The following PLXNA2 variants were observed in gnomAD, a reference collection of about 807,000 sequenced individuals.
The protein encoded by PLXNA2 is plexin-A2.
A neutral mutation model predicts 193.5 loss-of-function variants in PLXNA2; 91 were observed. The ratio of observed to expected loss-of-function variants is 0.47; its 90% CI spans 0.40 to 0.56. The LOEUF is 0.56. Among genes scored for constraint, PLXNA2 ranks in the 20% least tolerant of loss-of-function variants. The probability of loss-of-function intolerance (pLI) is 0.00; values close to 1 mark genes in which losing one functional copy is unlikely to be tolerated. For missense variants in PLXNA2, 1,995 were observed against 2,503.2 expected (o/e 0.80, Z 4.33); for synonymous variants, 997 against 1,027.3 (o/e 0.97, Z 0.56).
Position 208,044,793 on chromosome 1 carries a change from C to G in PLXNA2, c.3640-51G>C. On this transcript the variant is annotated intron_variant, in intron 19 of 31. Transcript: ENST00000367033. The surrounding 1 kb of genome is among the most constrained non-coding windows in gnomAD (Gnocchi z 4.9). ...ACATGGATGCACACAGGTGTAGAGC[C>G]CGGGCATGCCAGCAGATCCTTACAG... is the stretch of plus-strand genomic sequence containing the variant. 1.4e-6 allele frequency: 2 copies of G among 1,396,132 alleles called. No homozygotes were observed. The highest frequency in any genetic ancestry group is 2.0e-6 in the Non-Finnish European group (2 of 1,000,450). 86.5% of individuals were successfully genotyped at this position (1,396,132 alleles called of 1,614,324 possible).
intron 4 of PLXNA2, among the ~76,000 whole-genome samples, chr1:208,112,423 T>G (rs911920711): frequency 6.6e-6 from 1 of 152,254 alleles, no homozygotes. Context: ...GAGCTTTAGT[T>G]TCCTTCTCTG....
intron 3 of PLXNA2, among the ~76,000 whole-genome samples, chr1:208,162,022 C>T (rs2102515675): frequency 6.6e-6 from 1 of 152,272 alleles, no homozygotes; most frequent in South Asian, 2.1e-4. Context: ...TCAACTTGAT[C>T]TCTCCCCTTC....
chr1:208,124,826 TAGGGAGAGGAAATTGTCCAC>T (rs1436863260), intron 4 of PLXNA2, among the ~76,000 whole-genome samples: 4 of 151,908 alleles, frequency 2.6e-5, no homozygotes, highest in African/African-American at 9.7e-5. Context: ...GCTTGAATTA[TAGGGAGAGGAAATTGTCCAC>T]AGCTAGGCCA....
intron 13 of PLXNA2, among the ~76,000 whole-genome samples, chr1:208,059,634 C>T (rs1413433142): frequency 6.6e-6 from 1 of 152,218 alleles, no homozygotes; most frequent in African/African-American, 2.4e-5. Context: ...AGGTCTAATT[C>T]TGCCTCAGCC....
At position 208,160,814 on chromosome 1, in the gene PLXNA2, G is replaced by C. The variant is rs181715308; in HGVS notation, c.1372-18351C>G. 6.8e-4 allele frequency among the ~76,000 whole-genome samples: 103 copies of C among 152,340 alleles called. 1 individual carries two copies. The East Asian group carries it at 0.019, about 28-fold the overall frequency. ...TTCATAGATTAATTATTCTCAGAGAGGGCCCACTGGGCCTTGTACTATAAT... is the reference window on the plus strand; with the variant it reads ...TTCATAGATTAATTATTCTCAGAGACGGCCCACTGGGCCTTGTACTATAAT... On this transcript the variant is annotated intron_variant, in intron 3 of 31. Coordinates refer to ENST00000367033, the MANE Select transcript of PLXNA2 (RefSeq NM_025179.4).
chr1:208,073,293 C>A (rs564606423), intron 12 of PLXNA2, among the ~76,000 whole-genome samples: 3 of 152,288 alleles, frequency 2.0e-5, no homozygotes, highest in African/African-American at 7.2e-5. Context: ...AGTCCTTCTA[C>A]ACAGGACACA....
At chr1:208,210,909 G>C (rs969433352) in intron 2 of PLXNA2, among the ~76,000 whole-genome samples, 6 of 152,158 alleles carry the variant, frequency 3.9e-5, no homozygotes, top group African/African-American at 1.4e-4. Flanking sequence ...TTTCTTGTTT[G>C]TTTCTTGGGC....
chr1:208,031,922 G>T, intron 28 of PLXNA2, 163 bp from the exon 29 acceptor site: 1 of 917,476 alleles, frequency 1.1e-6, no homozygotes, highest in Non-Finnish European at 1.3e-6. Flanking sequence ...TTGGTTAGCT[G>T]GGGAGGTGGG....
At chr1:208,031,914 G>T in intron 28 of PLXNA2, 155 bp from the exon 29 acceptor site, 2 of 893,666 alleles carry the variant, frequency 2.2e-6, no homozygotes, top group Non-Finnish European at 2.7e-6. Flanking sequence ...GGGTACTATT[G>T]GTTAGCTGGG....
rs545602403 is a variant in PLXNA2 at position 208,050,315 on chromosome 1, G to T, written c.3255+694C>A. On this transcript the variant is annotated intron_variant, in intron 17 of 31. Transcript: ENST00000367033. Reference sequence around the variant, plus strand: ...GAGGTTAAATGACTTGACCATGCTTGTACAGCTAATAGATGGCAGAACCCT... The same window carrying T: ...GAGGTTAAATGACTTGACCATGCTTTTACAGCTAATAGATGGCAGAACCCT... 3.9e-5 allele frequency among the ~76,000 whole-genome samples: 6 copies of T among 152,344 alleles called. No individual in the cohort carries two copies. The South Asian group carries it at 8.3e-4, about 21-fold the overall frequency.
intron 4 of PLXNA2, among the ~76,000 whole-genome samples, chr1:208,123,331 C>T (rs1442988897): frequency 1.3e-5 from 2 of 152,218 alleles, no homozygotes; most frequent in Non-Finnish European, 2.9e-5. Context: ...ATGATGGAAA[C>T]TGTCCCACTG....
intron 12 of PLXNA2, among the ~76,000 whole-genome samples, chr1:208,068,008 T>C (rs932796641): frequency 2.6e-5 from 4 of 152,158 alleles, no homozygotes; most frequent in African/African-American, 9.7e-5. Context: ...ACTCCCTTAG[T>C]AGATTTACTA....
At chr1:208,130,515 C>T (rs774347594) in intron 4 of PLXNA2, among the ~76,000 whole-genome samples, 10 of 152,204 alleles carry the variant, frequency 6.6e-5, no homozygotes, top group African/African-American at 2.2e-4. Flanking sequence ...GGTCAGCCTC[C>T]GAGCGCTGTG....
At chr1:208,072,384 T>C (rs1558177370) in intron 12 of PLXNA2, among the ~76,000 whole-genome samples, 1 of 152,162 alleles carries the variant, frequency 6.6e-6, no homozygotes, top group South Asian at 2.1e-4. Context: ...TTCTTTCACA[T>C]CTTAAGGGTG....
chr1:208,116,948 G>C (rs756445554), intron 4 of PLXNA2, among the ~76,000 whole-genome samples: 2 of 152,170 alleles, frequency 1.3e-5, no homozygotes, highest in Non-Finnish European at 2.9e-5. Flanking sequence ...AGCTGGGCAG[G>C]ATCATTTGAG....
chr1:208,115,007 CCATT>C (rs1667594870), intron 4 of PLXNA2, among the ~76,000 whole-genome samples: 1 of 152,182 alleles, frequency 6.6e-6, no homozygotes, highest in Admixed American at 6.5e-5. Context: ...TTCATTCCTG[CCATT>C]CATTCATTCA....
chr1:208,091,629 T>C (rs1666713046), intron 9 of PLXNA2, among the ~76,000 whole-genome samples: 1 of 152,038 alleles, frequency 6.6e-6, no homozygotes, highest in Non-Finnish European at 1.5e-5. Context: ...CCCCAACACT[T>C]TGGGAGGCCG....
At chr1:208,181,892 A>T (rs1228311490) in intron 3 of PLXNA2, among the ~76,000 whole-genome samples, 1 of 152,216 alleles carries the variant, frequency 6.6e-6, no homozygotes, top group Non-Finnish European at 1.5e-5. Context: ...AAATTTTGCT[A>T]GGAAAGAAAA....
At chr1:208,039,902 A>AG in intron 23 of PLXNA2, 90 bp downstream of exon 23, 1 of 1,578,424 alleles carries the variant, frequency 6.3e-7, no homozygotes. Context: ...CTCCCGAGGG[A>AG]GGGGGTCCCC....
Sources: gnomAD v4.1 joint callset for allele counts (sites outside exome capture counted in the v4.1 genomes callset) on GRCh38, gnomAD v4.1.1 for gene constraint, Gnocchi (gnomAD v3.1) non-coding constraint, MANE v1.5 for transcripts, NCBI Gene and HGNC (gene_info 2026-07-23, HGNC 2026-07-21) for gene names.